ZFR: variants seen among roughly 807,000 people sequenced by gnomAD.
The protein encoded by ZFR is zinc finger RNA binding protein.
ZFR carries 19 observed loss-of-function variants against 130.7 expected under a neutral mutation model. The observed-to-expected ratio is 0.15, with a 90% CI of 0.10 to 0.21. ZFR has a LOEUF of 0.21. ZFR is among the 10% of genes least tolerant of loss of function. ZFR has a pLI of 1.00. For missense variants in ZFR, 872 were observed against 1,321.5 expected (o/e 0.66, Z 5.27); for synonymous variants, 466 against 456.9 (o/e 1.02, Z -0.25).
chr5:32,385,449 A>G, intron 15 of ZFR, 59 bp downstream of exon 15: 1 of 1,585,804 alleles, frequency 6.3e-7, no homozygotes, highest in Admixed American at 1.7e-5. Flanking sequence ...GCCATCTTAA[A>G]GAGTAGATAA....
chr5:32,429,459 T>G (rs1442115824), intron 2 of ZFR, among the ~76,000 whole-genome samples: 1 of 151,820 alleles, frequency 6.6e-6, no homozygotes, highest in East Asian at 1.9e-4. Flanking sequence ...GAAGAGAAAA[T>G]ACTTTCCTGA....
intron 17 of ZFR, among the ~76,000 whole-genome samples, chr5:32,376,211 T>C (rs1204834151): frequency 3.3e-5 from 5 of 152,212 alleles, no homozygotes; most frequent in Non-Finnish European, 5.9e-5. Context: ...CAGGTCTCTA[T>C]ACTAGTCATC....
chr5:32,370,710 A>G (rs544017950), intron 17 of ZFR, among the ~76,000 whole-genome samples: 5 of 152,320 alleles, frequency 3.3e-5, no homozygotes, highest in South Asian at 2.1e-4. Flanking sequence ...CATGCCTTTT[A>G]TAAGTTACTG....
At chr5:32,385,711 T>C in intron 14 of ZFR, 62 bp from the exon 15 acceptor site, 2 of 1,572,928 alleles carry the variant, frequency 1.3e-6, no homozygotes, top group Admixed American at 1.7e-5. Context: ...AAAAGCACTT[T>C]CATTATGGCT....
intron 17 of ZFR, among the ~76,000 whole-genome samples, chr5:32,378,909 A>C (rs182209003): frequency 3.2e-4 from 49 of 152,226 alleles, no homozygotes; most frequent in African/African-American, 1.1e-3. Context: ...AAAAACACAC[A>C]AAGAGAAACA....
At chr5:32,395,420 C>T in intron 10 of ZFR, 116 bp from the exon 11 acceptor site, 6 of 737,860 alleles carry the variant, frequency 8.1e-6, no homozygotes, top group Non-Finnish European at 7.7e-6. Context: ...TGCAAGTTTC[C>T]CACTAGAGAG....
chr5:32,404,483 A>T (rs1257519759), intron 6 of ZFR, among the ~76,000 whole-genome samples: 2 of 152,200 alleles, frequency 1.3e-5, no homozygotes, highest in Non-Finnish European at 2.9e-5. Context: ...TGCCTATACC[A>T]TTAGAAGAAA....
chr5:32,358,655 T>G (rs1752365986), intron 19 of ZFR, among the ~76,000 whole-genome samples: 1 of 151,922 alleles, frequency 6.6e-6, no homozygotes, highest in Admixed American at 6.6e-5. Flanking sequence ...TTTAAATCAA[T>G]TTTTAAAGTT....
chr5:32,434,002 G>A (rs1415026935), intron 2 of ZFR, among the ~76,000 whole-genome samples: 3 of 152,226 alleles, frequency 2.0e-5, no homozygotes, highest in Non-Finnish European at 1.5e-5. Context: ...CTGGGAGGCA[G>A]AGGTTTGCAG....
chr5:32,403,998 T>C lies in ZFR; in HGVS notation c.1132A>G (p.Thr378Ala). Residue 378 changes from threonine to alanine, a missense_variant, in exon 7 of 20, where the codon ACT becomes GCT. By Grantham distance (58) the Thr-to-Ala change is moderately conservative. Transcript: ENST00000265069. ...AGCTCACAACGTAGCTGATTTTGAG[T>C]CCCACGAGTAGAACTGTTGCTGCTG... ...TSSSNSSTRG[T>A]QNQLRCELCD... 1 of 1,614,142 alleles carries C rather than the reference T, an allele frequency of 6.2e-7. No individual in the cohort carries two copies. The highest frequency in any genetic ancestry group is 8.5e-7 in the Non-Finnish European group (1 of 1,179,988).
chr5:32,423,076 G>A (rs1156409600), intron 2 of ZFR, among the ~76,000 whole-genome samples: 4 of 151,762 alleles, frequency 2.6e-5, no homozygotes, highest in Non-Finnish European at 4.4e-5. Flanking sequence ...AGCTGGGCAC[G>A]GAATACCTGT....
At chr5:32,439,804 TAAAA>T (rs11446399) in intron 2 of ZFR, among the ~76,000 whole-genome samples, 22 of 72,452 alleles carry the variant, frequency 3.0e-4, no homozygotes, top group African/African-American at 7.6e-4. Context: ...ACCATGTCTT[TAAAA>T]AAAAAAAAAA....
At chr5:32,375,012 A>G (rs1752766613) in intron 17 of ZFR, among the ~76,000 whole-genome samples, 1 of 152,224 alleles carries the variant, frequency 6.6e-6, no homozygotes, top group Non-Finnish European at 1.5e-5. Flanking sequence ...TTTGACAAAG[A>G]GCACAGAAAC....
chr5:32,416,845 T>A (rs1753837109), intron 4 of ZFR, among the ~76,000 whole-genome samples: 1 of 151,554 alleles, frequency 6.6e-6, no homozygotes. Flanking sequence ...TCTACTCTCT[T>A]ACAATCCAAC....
intron 12 of ZFR, among the ~76,000 whole-genome samples, chr5:32,389,565 C>A (rs995885711): frequency 6.6e-6 from 1 of 152,118 alleles, no homozygotes; most frequent in Non-Finnish European, 1.5e-5. Flanking sequence ...TGCCTGTGTA[C>A]CGGCTACTCG....
Position 32,443,698 on chromosome 5 carries a change from A to G in ZFR, c.137+531T>C, listed in dbSNP as rs918992016. Among the ~76,000 whole-genome samples the G allele has an allele frequency of 3.9e-5, 6 of 152,376 alleles. No homozygotes were observed. In the East Asian group the frequency reaches 1.2e-3, roughly 29 times the overall value. On this transcript the variant is annotated intron_variant, in intron 2 of 19. Coordinates refer to ENST00000265069, the MANE Select transcript of ZFR (RefSeq NM_016107.5). ...GAAGCCCCACGGCGGAGGAAAAGGT[A>G]CCCGAGACAACGACACGTTATCTGG...
intron 19 of ZFR, among the ~76,000 whole-genome samples, chr5:32,359,402 G>A (rs1752382145): frequency 6.6e-6 from 1 of 151,924 alleles, no homozygotes; most frequent in African/African-American, 2.4e-5. Context: ...GCCCAGGGAA[G>A]CCAAAAGACT....
intron 2 of ZFR, among the ~76,000 whole-genome samples, chr5:32,442,736 A>C (rs974131861): frequency 1.3e-5 from 2 of 152,174 alleles, no homozygotes; most frequent in African/African-American, 2.4e-5. Flanking sequence ...TTTTAGTGCT[A>C]CATACAATAA....
At chr5:32,413,441 T>TG (rs1753754863) in intron 5 of ZFR, among the ~76,000 whole-genome samples, 1 of 152,124 alleles carries the variant, frequency 6.6e-6, no homozygotes, top group Non-Finnish European at 1.5e-5. Context: ...AAAATGTTAA[T>TG]GACAATTAGT....
Sources: gnomAD v4.1 joint callset for allele counts (sites outside exome capture counted in the v4.1 genomes callset) on GRCh38, gnomAD v4.1.1 for gene constraint, MANE v1.5 for transcripts, NCBI Gene and HGNC (gene_info 2026-07-23, HGNC 2026-07-21) for gene names.